Variants in MON2 observed in about 807,000 individuals in gnomAD.
The protein encoded by MON2 is MON2 regulator of endosome-to-Golgi trafficking.
MON2 carries 84 observed loss-of-function variants against 208.6 expected under a neutral mutation model. That is an observed-to-expected ratio of 0.40 (90% CI 0.34 to 0.48). MON2 has a LOEUF of 0.48. Ranked by LOEUF, MON2 falls within the 20% of genes least tolerant of loss-of-function variation. MON2 has a pLI of 0.59. For missense variants in MON2, 1,611 were observed against 2,015.4 expected (o/e 0.80, Z 3.84); for synonymous variants, 660 against 694.0 (o/e 0.95, Z 0.77).
chr12:62,584,965 A>G (rs925283150), intron 32 of MON2, among the ~76,000 whole-genome samples: 3 of 151,458 alleles, frequency 2.0e-5, no homozygotes, highest in Non-Finnish European at 4.4e-5. Flanking sequence ...GTGCTGTTTT[A>G]TGGTATAGAA....
chr12:62,501,429 A>G (rs910564626), intron 6 of MON2, 144 bp from the exon 7 acceptor site: 63 of 820,388 alleles, frequency 7.7e-5, no homozygotes, highest in Non-Finnish European at 1.2e-4. Flanking sequence ...ATTTGTCAAA[A>G]TTGGAATTAC....
intron 34 of MON2, among the ~76,000 whole-genome samples, chr12:62,590,767 G>A (rs1472408757): frequency 6.6e-6 from 1 of 152,040 alleles, no homozygotes; most frequent in Non-Finnish European, 1.5e-5. Context: ...TGAAACCTCC[G>A]CCTCCTAGGT....
chr12:62,525,250 A>C, intron 10 of MON2, 30 bp downstream of exon 10: 1 of 1,609,150 alleles, frequency 6.2e-7, no homozygotes, highest in Non-Finnish European at 8.5e-7. Flanking sequence ...TTTGTTTCTT[A>C]TATTCTGCCG....
Position 62,516,883 on chromosome 12 carries a change from T to A in MON2, c.985-7632T>A, listed in dbSNP as rs1025306926. On this transcript the variant is annotated intron_variant, in intron 8 of 34. Transcript: ENST00000393630. ...ATACCTACTATATACTCATAAAAATTAAAAAAAAATATTTTTAAGTAAACA... is the reference window on the plus strand; with the variant it reads ...ATACCTACTATATACTCATAAAAATAAAAAAAAAATATTTTTAAGTAAACA... Among the ~76,000 whole-genome samples the A allele has an allele frequency of 1.1e-4, 17 of 151,328 alleles. No individual in the cohort carries two copies. In the South Asian group the frequency reaches 3.3e-3, roughly 30 times the overall value.
chr12:62,559,738 ACT>A (rs1258184803), intron 25 of MON2, among the ~76,000 whole-genome samples: 10 of 151,640 alleles, frequency 6.6e-5, no homozygotes, highest in African/African-American at 2.4e-4. Flanking sequence ...ACCACATGAC[ACT>A]CTAGCCTGGG....
At position 62,538,148 on chromosome 12, in the gene MON2, C is replaced by G; in HGVS notation, c.2171C>G (p.Pro724Arg). The G allele has an allele frequency of 6.2e-7, 1 of 1,613,698 alleles. No homozygotes were observed. The highest frequency in any genetic ancestry group is 8.5e-7 in the Non-Finnish European group (1 of 1,179,828). ...CCTAGTAGTGGCGGTGCCTTGAAAC[C>G]TGGGAGAGCTGTAGAAGGACCCAGT... Reference protein sequence around the residue: ...LKPSSGGALKPGRAVEGPSTV... With the variant: ...LKPSSGGALKRGRAVEGPSTV... Residue 724 changes from proline (P) to arginine (R), a missense_variant, in exon 17 of 35, where the codon CCT (proline) becomes CGT (arginine). Physicochemically the swap from Pro to Arg is moderately radical, Grantham distance 103. Transcript: ENST00000393630.
chr12:62,535,442 C>A, intron 13 of MON2, 83 bp from the exon 14 acceptor site: 1 of 1,010,028 alleles, frequency 9.9e-7, no homozygotes, highest in Non-Finnish European at 1.4e-6. Context: ...CTTAAAATGT[C>A]ACTGAATACT....
At chr12:62,525,289 G>C in intron 10 of MON2, 69 bp downstream of exon 10, 1 of 1,513,604 alleles carries the variant, frequency 6.6e-7, no homozygotes, top group Non-Finnish European at 9.0e-7. Context: ...GTTCTGAGAG[G>C]ATATTATGAA....
chr12:62,520,427 G>A (rs915336797), intron 8 of MON2, among the ~76,000 whole-genome samples: 6 of 80,890 alleles, frequency 7.4e-5, no homozygotes, highest in African/African-American at 3.7e-4. Flanking sequence ...TAAAGTGACA[G>A]GCGTACTTTA....
intron 15 of MON2, 87 bp from the exon 16 acceptor site, chr12:62,537,515 C>G: frequency 9.9e-7 from 1 of 1,005,216 alleles, no homozygotes; most frequent in Non-Finnish European, 1.4e-6. Context: ...TTAAAAAAAT[C>G]TTTTAACACA....
chr12:62,595,856 C>T lies in MON2; in HGVS notation c.*3107C>T, dbSNP rs555947727. ...ATTTTATTCACTTAACAGCTAACAT[C>T]TTTCTTGTTTCTTGTTTTTTCCATT... On this transcript the variant is annotated 3_prime_UTR_variant, in exon 35 of 35. Transcript: ENST00000393630. The T allele has an allele frequency of 3.9e-5, 6 of 152,270 alleles. No homozygotes were observed. Among genetic ancestry groups the T allele is most frequent in the African/African-American group, 7.2e-5 (3 of 41,566 alleles). 9.4% of individuals were successfully genotyped at this position (152,270 alleles called of 1,614,324 possible). A position where few individuals can be genotyped will look rare whatever the true frequency, so the allele number is the denominator to read the frequency against.
intron 2 of MON2, among the ~76,000 whole-genome samples, chr12:62,485,828 C>T (rs1210321110): frequency 1.3e-5 from 2 of 152,038 alleles, no homozygotes; most frequent in African/African-American, 4.8e-5. Flanking sequence ...CTCAGCCACC[C>T]GAGTAGCTGA....
chr12:62,567,681 A>G (rs1203483693), intron 29 of MON2, among the ~76,000 whole-genome samples: 1 of 152,204 alleles, frequency 6.6e-6, no homozygotes, highest in Non-Finnish European at 1.5e-5. Flanking sequence ...TTTATTGAGC[A>G]TATTTTTGAA....
intron 26 of MON2, 80 bp downstream of exon 26, chr12:62,561,193 T>C (rs914497237): frequency 9.2e-5 from 108 of 1,174,056 alleles, no homozygotes; most frequent in Non-Finnish European, 1.2e-4. Context: ...TTTGCGGGGA[T>C]AAATTTTAGA....
intron 31 of MON2, among the ~76,000 whole-genome samples, chr12:62,579,097 A>C (rs1297695838): frequency 2.0e-5 from 3 of 151,674 alleles, no homozygotes; most frequent in African/African-American, 7.3e-5. Context: ...TTTTTAAGTT[A>C]ATTGGGCATG....
intron 2 of MON2, among the ~76,000 whole-genome samples, chr12:62,492,663 G>A (rs1344145298): frequency 2.8e-5 from 4 of 141,506 alleles, no homozygotes; most frequent in African/African-American, 7.6e-5. Context: ...GAGCCACCGC[G>A]CCCGGCCGTT....
chr12:62,542,574 C>G (rs2073285594), intron 19 of MON2, among the ~76,000 whole-genome samples: 1 of 152,120 alleles, frequency 6.6e-6, no homozygotes, highest in African/African-American at 2.4e-5. Context: ...GTATAATGTA[C>G]CCTGGTTCCC....
intron 6 of MON2, 84 bp from the exon 7 acceptor site, chr12:62,501,489 A>G: frequency 1.3e-6 from 2 of 1,497,112 alleles, no homozygotes; most frequent in South Asian, 2.5e-5. Context: ...AAGAAGATAG[A>G]TTTTTTTTAA....
intron 30 of MON2, among the ~76,000 whole-genome samples, chr12:62,573,754 G>A (rs1219579777): frequency 6.6e-6 from 1 of 151,196 alleles, no homozygotes; most frequent in Non-Finnish European, 1.5e-5. Context: ...TCACTTTCTG[G>A]ACTTTATTCT....
Sources: gnomAD v4.1 joint callset for allele counts (sites outside exome capture counted in the v4.1 genomes callset) on GRCh38, gnomAD v4.1.1 for gene constraint, MANE v1.5 for transcripts, NCBI Gene and HGNC (gene_info 2026-07-23, HGNC 2026-07-21) for gene names.